The following ASIC2 variants were observed in gnomAD, a reference collection of about 807,000 sequenced individuals.
The protein encoded by ASIC2 is acid-sensing ion channel 2.
Under a neutral mutation model 57.3 loss-of-function variants are expected in ASIC2, and 25 were observed. That is an observed-to-expected ratio of 0.44 (90% CI 0.32 to 0.61). The LOEUF is 0.61. Among genes scored for constraint, ASIC2 ranks in the 20% least tolerant of loss-of-function variants. ASIC2 has a pLI of 0.06. For synonymous variants in ASIC2, 319 were observed against 307.5 expected (o/e 1.04, Z -0.39); for missense variants, 641 against 738.1 (o/e 0.87, Z 1.52).
At chr17:33,391,456 G>T (rs901423319) in intron 1 of ASIC2, among the ~76,000 whole-genome samples, 1 of 152,198 alleles carries the variant, frequency 6.6e-6, no homozygotes, top group African/African-American at 2.4e-5. Context: ...ACAGAGGTCT[G>T]GTCCTGGCTT....
At chr17:33,851,097 G>C (rs1913751735) in intron 1 of ASIC2, among the ~76,000 whole-genome samples, 1 of 152,196 alleles carries the variant, frequency 6.6e-6, no homozygotes, top group Admixed American at 6.5e-5. Context: ...CCCCAAAGGG[G>C]TCAGGTAGGG....
At chr17:33,354,285 G>C (rs551439450) in intron 1 of ASIC2, among the ~76,000 whole-genome samples, 1 of 152,194 alleles carries the variant, frequency 6.6e-6, no homozygotes, top group East Asian at 1.9e-4. Flanking sequence ...GGTTCATGAC[G>C]GTCTTTAAAT....
intron 1 of ASIC2, among the ~76,000 whole-genome samples, chr17:33,491,574 G>A (rs749085071): frequency 3.9e-5 from 6 of 152,182 alleles, no homozygotes; most frequent in Non-Finnish European, 5.9e-5. Context: ...GCAGCATTAG[G>A]AACATATGCA....
chr17:34,121,963 G>T (rs1911634427), intron 1 of ASIC2, among the ~76,000 whole-genome samples: 1 of 150,018 alleles, frequency 6.7e-6, no homozygotes, highest in Admixed American at 6.7e-5. Context: ...TTTTAGAGGG[G>T]TCCCCTAGGC....
At chr17:33,771,470 T>C (rs972295336) in intron 1 of ASIC2, among the ~76,000 whole-genome samples, 3 of 152,318 alleles carry the variant, frequency 2.0e-5, no homozygotes, top group Admixed American at 2.0e-4. Flanking sequence ...CTCCTCTTCC[T>C]TTGTATTGCT....
rs538469367 is a variant in ASIC2, at chr17:33,602,832, A to T, written c.556-490765T>A. Among the ~76,000 whole-genome samples, 22 of 152,332 alleles carry T rather than the reference A, an allele frequency of 1.4e-4. No individual in the cohort carries two copies. In the South Asian group the frequency reaches 3.1e-3, roughly 22 times the overall value. ...AGCAATGGGGCTTAACATGGGTTCA[A>T]GAAATAGCTGTGGAATGAAGTTCAA... On this transcript the variant is annotated intron_variant, in intron 1 of 9. Coordinates refer to the ASIC2 transcript ENST00000359872.
At chr17:33,679,086 C>A (rs1013614771) in intron 1 of ASIC2, among the ~76,000 whole-genome samples, 23 of 152,174 alleles carry the variant, frequency 1.5e-4, no homozygotes, top group African/African-American at 5.6e-4. Context: ...ATATGTTACC[C>A]CTGTTGGATA....
intron 1 of ASIC2, among the ~76,000 whole-genome samples, chr17:33,867,439 G>T (rs1914271770): frequency 6.6e-6 from 1 of 152,188 alleles, no homozygotes; most frequent in African/African-American, 2.4e-5. Flanking sequence ...AGAATAAAAT[G>T]AACTTACCAA....
intron 1 of ASIC2, among the ~76,000 whole-genome samples, chr17:33,442,646 T>C (rs1911865477): frequency 1.3e-5 from 2 of 152,178 alleles, no homozygotes; most frequent in African/African-American, 4.8e-5. Context: ...GTTCACTAGT[T>C]ATAGTAGTTT....
chr17:33,064,928 T>C (rs996813189), intron 3 of ASIC2, among the ~76,000 whole-genome samples: 4 of 152,156 alleles, frequency 2.6e-5, no homozygotes, highest in Admixed American at 6.5e-5. Context: ...AGATGATATG[T>C]CCTTTGCACA....
Position 33,292,133 on chromosome 17 carries a change from G to GGCGGCA in ASIC2, c.-24_-19dup, listed in dbSNP as rs1567812895. The GGCGGCA allele has an allele frequency of 1.3e-5, 13 of 1,034,128 alleles. No individual in the cohort carries two copies. The highest frequency in any genetic ancestry group is 1.4e-5 in the Non-Finnish European group (12 of 863,878). The allele number at this position is 1,034,128 out of a possible 1,614,324, so 64.1% of individuals were successfully genotyped here. On this transcript the variant is annotated 5_prime_UTR_variant, in exon 1 of 10. Coordinates refer to ENST00000225823, the MANE Select transcript of ASIC2 (RefSeq NM_183377.2). ...CGGCTCATTCATTCAGCCCGCGGCT[G>GGCGGCA]GCGGCAGCGGCGGCGGCCCCGGCCG...
chr17:34,119,888 TC>T, intron 1 of ASIC2, among the ~76,000 whole-genome samples: 1 of 152,322 alleles, frequency 6.6e-6, no homozygotes, highest in South Asian at 2.1e-4. Flanking sequence ...ACGTATATTA[TC>T]CAATTAATAG....
intron 1 of ASIC2, among the ~76,000 whole-genome samples, chr17:33,158,241 C>T (rs1225288891): frequency 6.6e-6 from 1 of 152,138 alleles, no homozygotes; most frequent in Admixed American, 6.5e-5. Context: ...GTGCCTTGTA[C>T]AATGCCTAGC....
chr17:33,072,965 C>T (rs1034233724), intron 3 of ASIC2, among the ~76,000 whole-genome samples: 2 of 152,204 alleles, frequency 1.3e-5, no homozygotes, highest in Non-Finnish European at 2.9e-5. Flanking sequence ...CCTGGATTCA[C>T]GGCACGCAGG....
At chr17:33,951,149 T>C (rs533208776) in intron 1 of ASIC2, among the ~76,000 whole-genome samples, 1 of 152,280 alleles carries the variant, frequency 6.6e-6, no homozygotes, top group Non-Finnish European at 1.5e-5. Flanking sequence ...TTATGATTAG[T>C]AATAATAATA....
At chr17:33,202,366 G>C (rs1433401709) in intron 1 of ASIC2, among the ~76,000 whole-genome samples, 1 of 152,236 alleles carries the variant, frequency 6.6e-6, no homozygotes. Context: ...CTAGAAGAAG[G>C]AATGGTTTTC....
chr17:33,172,572 G>T (rs1293211227), intron 1 of ASIC2, among the ~76,000 whole-genome samples: 2 of 152,188 alleles, frequency 1.3e-5, no homozygotes, highest in South Asian at 2.1e-4. Flanking sequence ...CAGCCACCTT[G>T]CCACTAGCAG....
intron 1 of ASIC2, among the ~76,000 whole-genome samples, chr17:33,370,726 G>A (rs1005711535): frequency 6.6e-6 from 1 of 152,208 alleles, no homozygotes; most frequent in Non-Finnish European, 1.5e-5. Context: ...GCAGGGTACA[G>A]TAGGAAAGCA....
chr17:33,740,600 C>T lies in ASIC2; in HGVS notation c.555+415378G>A, dbSNP rs534222364. On this transcript the variant is annotated intron_variant, in intron 1 of 9. Coordinates refer to the ASIC2 transcript ENST00000359872. ...TACAATTCAAGATGAGATTTGGGTGCGGACACAGCCAAACCACATCAGCTA... is the reference window on the plus strand; with the variant it reads ...TACAATTCAAGATGAGATTTGGGTGTGGACACAGCCAAACCACATCAGCTA... 1.4e-4 allele frequency among the ~76,000 whole-genome samples: 22 copies of T among 152,220 alleles called. No individual in the cohort carries two copies. In the East Asian group the frequency reaches 3.1e-3, roughly 21 times the overall value.
Sources: gnomAD v4.1 joint callset for allele counts (sites outside exome capture counted in the v4.1 genomes callset) on GRCh38, gnomAD v4.1.1 for gene constraint, MANE v1.5 for transcripts, NCBI Gene and HGNC (gene_info 2026-07-23, HGNC 2026-07-21) for gene names.